Variants in SIPA1L2 observed in about 807,000 individuals in gnomAD.
The protein encoded by SIPA1L2 is signal induced proliferation associated 1 like 2.
In SIPA1L2, 56 loss-of-function variants were observed where a neutral mutation model predicts 163.9. The observed-to-expected ratio is 0.34, with a 90% CI of 0.28 to 0.43. The LOEUF is 0.43. SIPA1L2 is among the 20% of genes least tolerant of loss of function. The probability of loss-of-function intolerance (pLI) is 1.00; values close to 1 mark genes in which losing one functional copy is unlikely to be tolerated. For missense variants in SIPA1L2, 1,974 were observed against 2,193.5 expected (o/e 0.90, Z 2.00); for synonymous variants, 877 against 865.7 (o/e 1.01, Z -0.23).
At position 232,524,519 on chromosome 1, in the gene SIPA1L2, C is replaced by T. The variant is rs115540241; in HGVS notation, c.-269-8911G>A. Among the ~76,000 whole-genome samples the T allele has an allele frequency of 2.9e-3, 434 of 152,036 alleles. 1 individual carries two copies. The highest frequency in any genetic ancestry group is 4.8e-3 in the Non-Finnish European group (324 of 67,976). On this transcript the variant is annotated intron_variant, in intron 2 of 22. Transcript: ENST00000674635. ...AAATACTCTACATCTGAAAAATCTACCCAAGAAAATAAGAGACTTATAATA... is the reference window on the plus strand; with the variant it reads ...AAATACTCTACATCTGAAAAATCTATCCAAGAAAATAAGAGACTTATAATA...
At chr1:232,410,225 T>C (rs1214775202) in intron 19 of SIPA1L2, among the ~76,000 whole-genome samples, 1 of 152,186 alleles carries the variant, frequency 6.6e-6, no homozygotes, top group Non-Finnish European at 1.5e-5. Flanking sequence ...ATAAAGTAGA[T>C]ATTAGTCTTT....
At chr1:232,592,255 G>A (rs1661008375) in intron 1 of SIPA1L2, among the ~76,000 whole-genome samples, 1 of 152,182 alleles carries the variant, frequency 6.6e-6, no homozygotes, top group South Asian at 2.1e-4. Flanking sequence ...ATTAAAATGG[G>A]AAGCTGCATA....
At chr1:232,570,390 G>A (rs1436382277) in intron 2 of SIPA1L2, among the ~76,000 whole-genome samples, 4 of 152,194 alleles carry the variant, frequency 2.6e-5, no homozygotes, top group South Asian at 2.1e-4. Context: ...TAAGTATGCC[G>A]TCTCCTCGGT....
intron 1 of SIPA1L2, among the ~76,000 whole-genome samples, chr1:232,624,461 A>C (rs1662974746): frequency 6.6e-6 from 1 of 152,248 alleles, no homozygotes; most frequent in Admixed American, 6.5e-5. Flanking sequence ...ACTTCACAGG[A>C]CACTATGTCT....
chr1:232,582,358 T>A (rs1163366518), intron 1 of SIPA1L2, among the ~76,000 whole-genome samples: 1 of 152,168 alleles, frequency 6.6e-6, no homozygotes, highest in Non-Finnish European at 1.5e-5. Flanking sequence ...CATGTTTACA[T>A]CCATAGGTGC....
intron 2 of SIPA1L2, among the ~76,000 whole-genome samples, chr1:232,568,377 T>C (rs1026841261): frequency 6.6e-5 from 10 of 152,210 alleles, no homozygotes; most frequent in Admixed American, 5.2e-4. Flanking sequence ...GCAGGATTAA[T>C]TGCTTGCTTG....
intron 3 of SIPA1L2, among the ~76,000 whole-genome samples, chr1:232,497,369 G>A (rs1370411590): frequency 6.8e-6 from 1 of 147,816 alleles, no homozygotes; most frequent in Non-Finnish European, 1.5e-5. Flanking sequence ...TGGGGGGAAG[G>A]GCCAGTGGTC....
At chr1:232,443,478 A>G (rs1474818864) in intron 12 of SIPA1L2, 124 bp downstream of exon 12, 1 of 623,656 alleles carries the variant, frequency 1.6e-6, no homozygotes. Flanking sequence ...TGTTAAAAGC[A>G]TGTCTGGCAT....
At position 232,493,674 on chromosome 1, in the gene SIPA1L2, G is replaced by A; in HGVS notation, c.1484-14C>T. 1 of 1,613,452 alleles carries A rather than the reference G, an allele frequency of 6.2e-7. No homozygotes were observed. The highest frequency in any genetic ancestry group is 8.5e-7 in the Non-Finnish European group (1 of 1,179,798). On this transcript the variant is annotated splice_polypyrimidine_tract_variant and intron_variant, in intron 3 of 22. Coordinates refer to ENST00000674635, the MANE Select transcript of SIPA1L2 (RefSeq NM_020808.5). ...AGTTTTGGTGCTCTATAATGGAAGA[G>A]AGAGGGTGGCATCAAAAGAATGAAA...
intron 17 of SIPA1L2, 135 bp from the exon 18 acceptor site, chr1:232,425,943 C>T (rs527859352): frequency 1.2e-5 from 9 of 748,934 alleles, no homozygotes; most frequent in Admixed American, 2.6e-5. Flanking sequence ...CTCAAGAATG[C>T]CAAACGCAGC....
At chr1:232,610,728 G>A (rs1172877182) in intron 1 of SIPA1L2, among the ~76,000 whole-genome samples, 1 of 152,052 alleles carries the variant, frequency 6.6e-6, no homozygotes, top group African/African-American at 2.4e-5. Context: ...GAGTGGCACC[G>A]TGTCATCTGT....
At chr1:232,590,818 G>C (rs1001565416) in intron 1 of SIPA1L2, among the ~76,000 whole-genome samples, 3 of 152,204 alleles carry the variant, frequency 2.0e-5, no homozygotes, top group African/African-American at 7.2e-5. Flanking sequence ...TCTTTACCAT[G>C]CATTAGACAA....
intron 6 of SIPA1L2, among the ~76,000 whole-genome samples, chr1:232,480,864 A>G (rs1027391597): frequency 1.3e-5 from 2 of 152,116 alleles, no homozygotes; most frequent in Admixed American, 1.3e-4. Flanking sequence ...AAAACATTCA[A>G]CCTTCACGGA....
chr1:232,597,967 A>G (rs1449618549), intron 1 of SIPA1L2, among the ~76,000 whole-genome samples: 1 of 152,206 alleles, frequency 6.6e-6, no homozygotes, highest in Non-Finnish European at 1.5e-5. Flanking sequence ...GCACACCTGC[A>G]TGTGAGCCAA....
chr1:232,529,967 G>C (rs1482821318), intron 2 of SIPA1L2, among the ~76,000 whole-genome samples: 1 of 152,136 alleles, frequency 6.6e-6, no homozygotes, highest in East Asian at 1.9e-4. Context: ...GAGAAGTGCT[G>C]GTTCCCAGAC....
At chr1:232,582,528 ATAC>A (rs1449898616) in intron 1 of SIPA1L2, among the ~76,000 whole-genome samples, 1 of 152,216 alleles carries the variant, frequency 6.6e-6, no homozygotes, top group Non-Finnish European at 1.5e-5. Context: ...TAGTGTATAT[ATAC>A]CACATTTTCT....
chr1:232,437,120 T>TA (rs776877305), intron 15 of SIPA1L2, among the ~76,000 whole-genome samples: 1 of 152,160 alleles, frequency 6.6e-6, no homozygotes, highest in Non-Finnish European at 1.5e-5. Flanking sequence ...CAAATACCGG[T>TA]AAAAAGCCCT....
chr1:232,487,662 G>A (rs954190439), intron 5 of SIPA1L2, among the ~76,000 whole-genome samples: 1 of 152,102 alleles, frequency 6.6e-6, no homozygotes, highest in South Asian at 2.1e-4. Flanking sequence ...AACTGCAGAC[G>A]TGAAATTATG....
chr1:232,446,002 G>A (rs1400864437), intron 10 of SIPA1L2, among the ~76,000 whole-genome samples: 1 of 152,160 alleles, frequency 6.6e-6, no homozygotes, highest in African/African-American at 2.4e-5. Flanking sequence ...CAATGACTGC[G>A]TCTAGAAATG....
Sources: gnomAD v4.1 joint callset for allele counts (sites outside exome capture counted in the v4.1 genomes callset) on GRCh38, gnomAD v4.1.1 for gene constraint, MANE v1.5 for transcripts, NCBI Gene and HGNC (gene_info 2026-07-23, HGNC 2026-07-21) for gene names.